The following SMIM10L3 variants were observed in gnomAD, a reference collection of about 807,000 sequenced individuals.
SMIM10L3 encodes the protein salivary gland specific protein SAGSIN1.
the SMIM10L3 span, among the ~76,000 whole-genome samples, chr7:6,341,514 C>T: frequency 6.4e-4 from 95 of 148,546 alleles, no homozygotes; most frequent in African/African-American, 2.2e-3. Context: ...GAAACCCTGC[C>T]TCTACTAAAA....
At chr7:6,333,840 C>CTTTTTTTTT in the SMIM10L3 span, among the ~76,000 whole-genome samples, 1 of 96,844 alleles carries the variant, frequency 1.0e-5, no homozygotes, top group African/African-American at 3.9e-5. Flanking sequence ...CTCCTGGCCT[C>CTTTTTTTTT]TTTTTTTTTT....
At chr7:6,348,780 GCC>G in the SMIM10L3 span, 24 of 397,394 alleles carry the variant, frequency 6.0e-5, no homozygotes, top group African/African-American at 4.7e-4. Flanking sequence ...CGCTCCCACA[GCC>G]CCCCCGCCCG....
the SMIM10L3 span, among the ~76,000 whole-genome samples, chr7:6,332,658 A>G: frequency 6.6e-6 from 1 of 152,026 alleles, no homozygotes; most frequent in Non-Finnish European, 1.5e-5. Flanking sequence ...AGATCGAGTC[A>G]CTCTGCCCTC....
chr7:6,330,834 G>A, the SMIM10L3 span: 1 of 1,614,178 alleles, frequency 6.2e-7, no homozygotes, highest in Non-Finnish European at 8.5e-7. Flanking sequence ...TTGGAGCAGG[G>A]AACAAACCCA....
chr7:6,330,058 T>G, the SMIM10L3 span: 1 of 319,516 alleles, frequency 3.1e-6, no homozygotes, highest in African/African-American at 2.2e-5. Flanking sequence ...AGTAGCCCTT[T>G]AGAATGGATG....
At chr7:6,347,904 A>ATTATTG in the SMIM10L3 span, among the ~76,000 whole-genome samples, 1 of 145,812 alleles carries the variant, frequency 6.9e-6, no homozygotes, top group African/African-American at 2.5e-5. Context: ...TATTATTATT[A>ATTATTG]TTATTATTAT....
chr7:6,338,915 C>T, the SMIM10L3 span, among the ~76,000 whole-genome samples: 1,911 of 152,232 alleles, frequency 0.013, 44 homozygotes, highest in African/African-American at 0.044. Flanking sequence ...GACTGCCGCA[C>T]GCAAGGAGAG....
At chr7:6,330,778 C>T in the SMIM10L3 span, 1 of 1,614,152 alleles carries the variant, frequency 6.2e-7, no homozygotes, top group African/African-American at 1.3e-5. Flanking sequence ...GTCTCGCCGC[C>T]CCAGAGCTTC....
the SMIM10L3 span, among the ~76,000 whole-genome samples, chr7:6,347,883 TTTATTATTATTA>T: frequency 2.3e-3 from 302 of 131,530 alleles, 4 homozygotes; most frequent in African/African-American, 3.6e-3. Flanking sequence ...ACGAGACCCC[TTTATTATTATTA>T]TTATTATTAT....
the SMIM10L3 span, among the ~76,000 whole-genome samples, chr7:6,337,158 G>A: frequency 6.6e-6 from 1 of 151,462 alleles, no homozygotes; most frequent in Non-Finnish European, 1.5e-5. Flanking sequence ...TGCAGCCTCT[G>A]CTTCCCGCAC....
chr7:6,338,905 G>A, the SMIM10L3 span, among the ~76,000 whole-genome samples: 1 of 152,290 alleles, frequency 6.6e-6, no homozygotes, highest in South Asian at 2.1e-4. Flanking sequence ...GGCCTTGAGG[G>A]ACTGCCGCAC....
chr7:6,333,996 GCCA>G, the SMIM10L3 span, among the ~76,000 whole-genome samples: 1 of 151,056 alleles, frequency 6.6e-6, no homozygotes, highest in Non-Finnish European at 1.5e-5. Flanking sequence ...ACAGGCACCC[GCCA>G]CCACGCCCGG....
the SMIM10L3 span, among the ~76,000 whole-genome samples, chr7:6,341,421 G>A: frequency 6.8e-6 from 1 of 147,932 alleles, no homozygotes; most frequent in African/African-American, 2.5e-5. Context: ...CAGCCTGGGT[G>A]ACAGAGCAAG....
the SMIM10L3 span, among the ~76,000 whole-genome samples, chr7:6,338,024 G>C: frequency 1.3e-5 from 2 of 151,014 alleles, no homozygotes; most frequent in Non-Finnish European, 2.9e-5. Context: ...GGCTGCTCTC[G>C]AACTCCTGAC....
At chr7:6,333,123 C>T in the SMIM10L3 span, among the ~76,000 whole-genome samples, 2 of 150,642 alleles carry the variant, frequency 1.3e-5, no homozygotes, top group Non-Finnish European at 2.9e-5. Flanking sequence ...CACCACTGCA[C>T]TCCAGCCTGG....
the SMIM10L3 span, among the ~76,000 whole-genome samples, chr7:6,347,247 G>A: frequency 1.3e-5 from 2 of 152,212 alleles, no homozygotes; most frequent in African/African-American, 4.8e-5. Context: ...GGGCGCTGTG[G>A]CTGACGCCTA....
chr7:6,340,353 G>A, the SMIM10L3 span, among the ~76,000 whole-genome samples: 1 of 152,140 alleles, frequency 6.6e-6, no homozygotes, highest in East Asian at 1.9e-4. Context: ...ACAAAACGCT[G>A]CTGAGAGGGT....
chr7:6,332,026 C>T, the SMIM10L3 span, among the ~76,000 whole-genome samples: 3 of 150,524 alleles, frequency 2.0e-5, no homozygotes, highest in East Asian at 2.0e-4. Flanking sequence ...GTGGGAGAAT[C>T]GCTTGAACCC....
the SMIM10L3 span, among the ~76,000 whole-genome samples, chr7:6,347,237 G>A: frequency 6.6e-6 from 1 of 152,224 alleles, no homozygotes; most frequent in Admixed American, 6.5e-5. Flanking sequence ...TCTCTTGGCT[G>A]GGCGCTGTGG....
Sources: gnomAD v4.1 joint callset for allele counts (sites outside exome capture counted in the v4.1 genomes callset) on GRCh38, gnomAD v4.1.1 for gene constraint, MANE v1.5 for transcripts, NCBI Gene and HGNC (gene_info 2026-07-23, HGNC 2026-07-21) for gene names.